Variants in CPQ observed in about 807,000 individuals in gnomAD.
CPQ encodes Ser-Met dipeptidase.
A neutral mutation model predicts 45.7 loss-of-function variants in CPQ; 37 were observed. That is an observed-to-expected ratio of 0.81 (90% confidence interval 0.62 to 1.07). CPQ has a LOEUF of 1.07. Among genes scored for constraint, CPQ ranks in the 50% least tolerant of loss-of-function variants. The pLI is 0.00. For synonymous variants in CPQ, 186 were observed against 205.8 expected, an observed-to-expected ratio of 0.90 and a Z score of 0.82; for missense variants, 537 against 572.9, an observed-to-expected ratio of 0.94 and a Z score of 0.64.
Position 96,902,573 on chromosome 8 carries a change from C to G in CPQ, c.849+22568C>G, listed in dbSNP as rs145715092. Among the ~76,000 whole-genome samples, 360 of 152,212 alleles carry G rather than the reference C, an allele frequency of 2.4e-3. 1 individual carries two copies. Among genetic ancestry groups the G allele is most frequent in the African/African-American group, 7.8e-3 (322 of 41,542 alleles). ...TGTAACAGATACACATTTTATAGAC[C>G]TCCTTCCATCCCATCCATCTGGGCC... is the stretch of plus-strand genomic sequence containing the variant. On this transcript the variant is annotated intron_variant, in intron 4 of 7. Transcript: ENST00000220763.
intron 6 of CPQ, among the ~76,000 whole-genome samples, chr8:97,057,306 T>TAAGA (rs2130515032): frequency 6.6e-6 from 1 of 152,320 alleles, no homozygotes; most frequent in African/African-American, 2.4e-5. Context: ...GATCAATATG[T>TAAGA]AAGAAATAGT....
chr8:97,012,446 T>C (rs1329650002), intron 5 of CPQ, among the ~76,000 whole-genome samples: 1 of 152,068 alleles, frequency 6.6e-6, no homozygotes, highest in African/African-American at 2.4e-5. Flanking sequence ...AATAGATTGG[T>C]TTTAAGGTTT....
chr8:96,793,717 T>C (rs1810883998), intron 2 of CPQ, among the ~76,000 whole-genome samples: 1 of 152,184 alleles, frequency 6.6e-6, no homozygotes, highest in South Asian at 2.1e-4. Flanking sequence ...TCCTGTCCAC[T>C]TATAAGCCTG....
chr8:96,785,476 C>T (rs1211587334), intron 2 of CPQ, 146 bp downstream of exon 2: 1 of 669,914 alleles, frequency 1.5e-6, no homozygotes, highest in African/African-American at 1.8e-5. Flanking sequence ...TTTTTGTCCT[C>T]CCATTTTTTA....
In CPQ at chr8:96,864,978, A is replaced by G. The variant is rs572254562; in HGVS notation, c.642-14820A>G. ...AGTGTCTCCACTGTTAAACTAAGTA[A>G]CAATATCTACTTTATAAGATTATTG... On this transcript the variant is annotated intron_variant, in intron 3 of 7. Coordinates refer to ENST00000220763, the MANE Select transcript of CPQ (RefSeq NM_016134.4). Among the ~76,000 whole-genome samples the G allele has an allele frequency of 2.6e-5, 4 of 152,216 alleles. No homozygotes were observed. In the South Asian group the frequency reaches 8.3e-4, roughly 32 times the overall value.
chr8:96,781,701 G>C (rs1178703304), intron 1 of CPQ, among the ~76,000 whole-genome samples: 1 of 152,170 alleles, frequency 6.6e-6, no homozygotes, highest in East Asian at 1.9e-4. Context: ...CCGAAGTCTT[G>C]TCTAAATCAG....
chr8:96,856,208 C>T (rs1811847220), intron 3 of CPQ, among the ~76,000 whole-genome samples: 1 of 152,184 alleles, frequency 6.6e-6, no homozygotes, highest in South Asian at 2.1e-4. Context: ...CAGCGGGACA[C>T]AGATTGTGTG....
chr8:96,887,638 C>A (rs1812322091), intron 4 of CPQ, among the ~76,000 whole-genome samples: 1 of 152,182 alleles, frequency 6.6e-6, no homozygotes, highest in African/African-American at 2.4e-5. Flanking sequence ...ACTCTTGGGG[C>A]TGGCCCATTT....
chr8:97,119,563 A>G (rs1005794416), intron 7 of CPQ, among the ~76,000 whole-genome samples: 1 of 152,168 alleles, frequency 6.6e-6, no homozygotes, highest in Non-Finnish European at 1.5e-5. Flanking sequence ...AGATGATTTA[A>G]ATTCAAAGTA....
intron 3 of CPQ, among the ~76,000 whole-genome samples, chr8:96,866,624 G>GT (rs35384110): frequency 2.6e-5 from 4 of 151,946 alleles, no homozygotes; most frequent in Admixed American, 1.3e-4. Flanking sequence ...TTTGATTACA[G>GT]TTTTTTTGGT....
intron 6 of CPQ, among the ~76,000 whole-genome samples, chr8:97,030,485 C>T (rs970903008): frequency 2.6e-5 from 4 of 151,974 alleles, no homozygotes; most frequent in South Asian, 2.1e-4. Flanking sequence ...CAAAGGACAA[C>T]TTATGACCTA....
intron 3 of CPQ, among the ~76,000 whole-genome samples, chr8:96,842,426 A>G (rs1811624951): frequency 6.6e-6 from 1 of 152,184 alleles, no homozygotes; most frequent in South Asian, 2.1e-4. Flanking sequence ...CTCGATTAGT[A>G]GGCTTATTTT....
intron 5 of CPQ, among the ~76,000 whole-genome samples, chr8:97,020,929 C>A (rs538161620): frequency 6.6e-6 from 1 of 152,160 alleles, no homozygotes; most frequent in African/African-American, 2.4e-5. Flanking sequence ...AAAAAGAAAA[C>A]TAAAGACCAA....
At chr8:96,752,855 G>C (rs1046530447) in intron 1 of CPQ, among the ~76,000 whole-genome samples, 3 of 151,954 alleles carry the variant, frequency 2.0e-5, no homozygotes, top group African/African-American at 7.2e-5. Flanking sequence ...GAGTGTTGAC[G>C]ATATATTTCT....
chr8:96,783,387 C>G (rs1264649935), intron 1 of CPQ, among the ~76,000 whole-genome samples: 1 of 151,994 alleles, frequency 6.6e-6, no homozygotes, highest in African/African-American at 2.4e-5. Flanking sequence ...GGGGCCACAT[C>G]TGGTGAGGGT....
chr8:97,127,779 A>G (rs561790776), intron 7 of CPQ, among the ~76,000 whole-genome samples: 99 of 152,340 alleles, frequency 6.5e-4, no homozygotes, highest in African/African-American at 2.2e-3. Context: ...CAAACAAACT[A>G]TGCAATAATG....
At chr8:96,656,385 C>T (rs1815637952) in intron 1 of CPQ, among the ~76,000 whole-genome samples, 1 of 152,106 alleles carries the variant, frequency 6.6e-6, no homozygotes, top group South Asian at 2.1e-4. Flanking sequence ...TCTGATTGGA[C>T]AAGGTTGTAG....
At chr8:97,028,882 G>T (rs1809846213) in intron 5 of CPQ, among the ~76,000 whole-genome samples, 1 of 152,184 alleles carries the variant, frequency 6.6e-6, no homozygotes, top group Non-Finnish European at 1.5e-5. Flanking sequence ...CCATGGAGAA[G>T]CATAACTGTT....
chr8:96,955,733 AT>A (rs1359136577), intron 4 of CPQ, among the ~76,000 whole-genome samples: 1 of 152,220 alleles, frequency 6.6e-6, no homozygotes, highest in Non-Finnish European at 1.5e-5. Context: ...ATCTACAGCT[AT>A]CTGGTCTTTG....
Sources: gnomAD v4.1 joint callset for allele counts (sites outside exome capture counted in the v4.1 genomes callset) on GRCh38, gnomAD v4.1.1 for gene constraint, MANE v1.5 for transcripts, NCBI Gene and HGNC (gene_info 2026-07-23, HGNC 2026-07-21) for gene names.